The following ANKS3 variants were observed in gnomAD, a reference collection of about 807,000 sequenced individuals.
ANKS3 encodes the protein ankyrin repeat and sterile alpha motif domain containing 3.
Under a neutral mutation model 80.7 loss-of-function variants are expected in ANKS3, and 62 were observed. That is an observed-to-expected ratio of 0.77 (90% CI 0.63 to 0.95). ANKS3 has a LOEUF of 0.95. Ranked by LOEUF, ANKS3 falls within the 40% of genes least tolerant of loss-of-function variation. The pLI, the probability that ANKS3 is intolerant of heterozygous loss-of-function variation, is 0.00. For synonymous variants in ANKS3, 489 were observed against 355.3 expected, an observed-to-expected ratio of 1.38 and a Z score of -4.23; for missense variants, 1,150 against 883.6, an observed-to-expected ratio of 1.30 and a Z score of -3.82.
At chr16:4,729,147 C>T (rs936282833) in intron 3 of ANKS3, among the ~76,000 whole-genome samples, 5 of 152,188 alleles carry the variant, frequency 3.3e-5, no homozygotes, top group African/African-American at 1.2e-4. Context: ...ATGGGCAAGA[C>T]GCAGCCATGG....
rs149901440 is a variant in ANKS3 at position 4,710,602 on chromosome 16, G to A, written c.709+3449C>T. The stretch of plus-strand genomic sequence containing the variant: ...GGTGCACCTACAGTCCTAGCTACTC[G>A]TAGAGCTGAGGTAGAAGGATCGTTT... On this transcript the variant is annotated intron_variant, in intron 7 of 17. Coordinates refer to ENST00000304283, the MANE Select transcript of ANKS3 (RefSeq NM_133450.4). Among the ~76,000 whole-genome samples, 26 of 152,160 alleles carry A rather than the reference G, an allele frequency of 1.7e-4. No individual in the cohort carries two copies. In the East Asian group the frequency reaches 4.4e-3, roughly 26 times the overall value.
chr16:4,726,955 G>T, intron 4 of ANKS3, 24 bp downstream of exon 4: 2 of 1,613,388 alleles, frequency 1.2e-6, no homozygotes, highest in Non-Finnish European at 1.7e-6. Context: ...CAGGTTTCTG[G>T]GCCTGAGTTC....
chr16:4,724,285 T>C (rs1019473192), intron 6 of ANKS3, among the ~76,000 whole-genome samples: 2 of 152,194 alleles, frequency 1.3e-5, no homozygotes, highest in Non-Finnish European at 2.9e-5. Flanking sequence ...AGTTACAGAC[T>C]ATACGTAGAA....
chr16:4,700,628 G>T, intron 11 of ANKS3: 2 of 408,516 alleles, frequency 4.9e-6, no homozygotes, highest in South Asian at 4.1e-5. Flanking sequence ...CACACACTGT[G>T]TGTAGTTCCT....
chr16:4,711,362 CAAAGTGCTGAGATTAT>C (rs1373427713), intron 7 of ANKS3, among the ~76,000 whole-genome samples: 1 of 151,722 alleles, frequency 6.6e-6, no homozygotes, highest in African/African-American at 2.4e-5. Flanking sequence ...CTCGGCCTTC[CAAAGTGCTGAGATTAT>C]AGGCATAAGC....
rs754255284 is a variant in ANKS3, at chr16:4,698,509, G to A, written c.1642C>T (p.Arg548Cys). The change falls in exon 14 of 18, where the codon CGC becomes TGC. Residue 548 changes from arginine to cysteine, a missense_variant. By Grantham distance (180) the Arg-to-Cys change is radical. Transcript: ENST00000304283. ...VVESCLLEQD[R>C]AREDLQARLR... Reference sequence around the variant, plus strand: ...CGGGCCTGGAGGTCCTCGCGGGCGCGGTCCTGCTCCAGCAGGCAGCTCTCC... The same window carrying A: ...CGGGCCTGGAGGTCCTCGCGGGCGCAGTCCTGCTCCAGCAGGCAGCTCTCC... The A allele has an allele frequency of 5.4e-5, 84 of 1,563,448 alleles. No homozygotes were observed. Among genetic ancestry groups the A allele is most frequent in the South Asian group, 9.2e-5 (8 of 86,914 alleles).
Position 4,699,472 on chromosome 16 carries a change from T to C in ANKS3, c.1285-296A>G, listed in dbSNP as rs533357237. On this transcript the variant is annotated intron_variant, in intron 11 of 17. Coordinates refer to ENST00000304283, the MANE Select transcript of ANKS3 (RefSeq NM_133450.4). ...TGAAGGGACCATGGAGCTGCTGATC[T>C]CGACAATGCTTTGTAGGCGGAGAGC... 23 of 419,552 alleles carry C rather than the reference T, an allele frequency of 5.5e-5. No individual in the cohort carries two copies. The East Asian group carries it at 1.0e-3, about 19-fold the overall frequency. The allele number at this position is 419,552 out of a possible 1,614,324, so 26.0% of individuals were successfully genotyped here. A position where few individuals can be genotyped will look rare whatever the true frequency, so the allele number is the denominator to read the frequency against.
chr16:4,727,914 C>G (rs2081435166), intron 3 of ANKS3: 1 of 152,580 alleles, frequency 6.6e-6, no homozygotes, highest in East Asian at 1.9e-4. Flanking sequence ...AAAATAATAC[C>G]CACTTGCATG....
At chr16:4,697,218 C>T (rs993107642) in intron 16 of ANKS3, 114 bp from the exon 17 acceptor site, 3 of 1,550,908 alleles carry the variant, frequency 1.9e-6, no homozygotes, top group Non-Finnish European at 2.7e-6. Context: ...ATGGCCCCAG[C>T]CCCGAGGTCA....
chr16:4,698,605 G>T lies in ANKS3; in HGVS notation c.1552-6C>A, dbSNP rs772236718. On this transcript the variant is annotated splice_polypyrimidine_tract_variant and splice_region_variant and intron_variant, in intron 13 of 17. Transcript: ENST00000304283. ...GCCTCTACCTCCTCGCAGCGCTGCA[G>T]GGGGGTGGGGGGCGCGGGGAGGCTG... 1.1e-5 allele frequency: 17 copies of T among 1,546,724 alleles called. No individual in the cohort carries two copies. The highest frequency in any genetic ancestry group is 1.4e-5 in the Non-Finnish European group (16 of 1,153,410).
chr16:4,730,262 T>C, intron 2 of ANKS3, 111 bp from the exon 3 acceptor site: 1 of 1,029,686 alleles, frequency 9.7e-7, no homozygotes, highest in Admixed American at 3.9e-5. Flanking sequence ...GATAACCCAG[T>C]GCAGTCAACC....
intron 11 of ANKS3, 122 bp downstream of exon 11, chr16:4,700,848 G>C (rs78864110): frequency 0.02 from 26,530 of 1,314,584 alleles, 355 homozygotes; most frequent in Non-Finnish European, 0.024. Context: ...CAGGCCATGG[G>C]GATGCCACCG....
intron 7 of ANKS3, among the ~76,000 whole-genome samples, chr16:4,710,283 TG>T (rs2080414919): frequency 1.3e-5 from 2 of 152,222 alleles, no homozygotes; most frequent in African/African-American, 2.4e-5. Context: ...CACCTCGAAA[TG>T]ATAAATGTTT....
At chr16:4,716,514 G>C (rs1386534981) in intron 6 of ANKS3, among the ~76,000 whole-genome samples, 1 of 152,122 alleles carries the variant, frequency 6.6e-6, no homozygotes, top group African/African-American at 2.4e-5. Context: ...CAGGGATACA[G>C]GACAAAAAAC....
Position 4,698,057 on chromosome 16 carries a change from C to CA in ANKS3, c.1729dup (p.Cys577LeufsTer4). 3 of 1,606,612 alleles carry CA rather than the reference C, an allele frequency of 1.9e-6. No individual in the cohort carries two copies. Among genetic ancestry groups the CA allele is most frequent in the Non-Finnish European group, 2.5e-6 (3 of 1,177,386 alleles). ...CACTCGAGATGACAGCTCAGCTTGACAGGCTCTGCCAGACACAGAAACAAA... is the reference window on the plus strand; with the variant it reads ...CACTCGAGATGACAGCTCAGCTTGACAAGGCTCTGCCAGACACAGAAACAAA... On this transcript the variant is annotated frameshift_variant, in exon 15 of 18. Coordinates refer to ENST00000304283, the MANE Select transcript of ANKS3 (RefSeq NM_133450.4). LOFTEE classifies it high-confidence loss of function.
intron 16 of ANKS3, 109 bp downstream of exon 16, chr16:4,697,224 G>A (rs1056214146): frequency 3.6e-5 from 55 of 1,547,300 alleles, no homozygotes; most frequent in Non-Finnish European, 4.9e-5. Flanking sequence ...CCAGCCCCGA[G>A]GTCAGCCTTG....
At chr16:4,713,327 AG>A (rs2080602648) in intron 7 of ANKS3, among the ~76,000 whole-genome samples, 2 of 152,224 alleles carry the variant, frequency 1.3e-5, no homozygotes. Flanking sequence ...GACAATATGC[AG>A]TGAAACGATA....
chr16:4,719,650 AC>A (rs1301391241), intron 6 of ANKS3, among the ~76,000 whole-genome samples: 8 of 151,754 alleles, frequency 5.3e-5, no homozygotes, highest in African/African-American at 1.9e-4. Flanking sequence ...CAAAAAAAAA[AC>A]AGCCAGGCGT....
intron 1 of ANKS3, 30 bp from the exon 2 acceptor site, chr16:4,731,609 C>T (rs1021422658): frequency 2.2e-6 from 2 of 920,766 alleles, no homozygotes; most frequent in African/African-American, 3.6e-5. Flanking sequence ...ATTAATTTTT[C>T]TGGAATGGTT....
Sources: gnomAD v4.1 joint callset for allele counts (sites outside exome capture counted in the v4.1 genomes callset) on GRCh38, gnomAD v4.1.1 for gene constraint, MANE v1.5 for transcripts, NCBI Gene and HGNC (gene_info 2026-07-23, HGNC 2026-07-21) for gene names.